FBXL7: variants seen among roughly 807,000 people sequenced by gnomAD.
The protein encoded by FBXL7 is F-box and leucine rich repeat protein 7, also known as F-box/LRR-repeat protein 7.
A neutral mutation model predicts 38.3 loss-of-function variants in FBXL7; 12 were observed. That is an observed-to-expected ratio of 0.31 (90% confidence interval 0.20 to 0.51). The LOEUF (loss-of-function observed/expected upper bound fraction) is 0.51. Among genes scored for constraint, FBXL7 ranks in the 20% least tolerant of loss-of-function variants. The probability of loss-of-function intolerance (pLI) is 0.98; values close to 1 mark genes in which losing one functional copy is unlikely to be tolerated. For synonymous variants in FBXL7, 297 were observed against 300.9 expected (o/e 0.99, Z 0.13); for missense variants, 567 against 676.4 (o/e 0.84, Z 1.79).
intron 1 of FBXL7, among the ~76,000 whole-genome samples, chr5:15,527,732 C>T (rs1364302856): frequency 6.6e-6 from 1 of 152,142 alleles, no homozygotes; most frequent in Non-Finnish European, 1.5e-5. Flanking sequence ...GCTTTTAGGA[C>T]ATATTAAAAG....
intron 1 of FBXL7, among the ~76,000 whole-genome samples, chr5:15,506,778 C>T (rs1736659907): frequency 6.6e-6 from 1 of 151,736 alleles, no homozygotes; most frequent in Non-Finnish European, 1.5e-5. Context: ...CAGGGTTCTA[C>T]CCTTGTAACC....
intron 2 of FBXL7, among the ~76,000 whole-genome samples, chr5:15,717,873 TATAAA>T (rs1291203423): frequency 5.3e-5 from 8 of 152,136 alleles, no homozygotes; most frequent in South Asian, 4.1e-4. Flanking sequence ...TGGATATAAA[TATAAA>T]ATAAAATAAA....
intron 2 of FBXL7, among the ~76,000 whole-genome samples, chr5:15,749,045 G>A (rs1413348875): frequency 6.6e-6 from 1 of 151,820 alleles, no homozygotes. Context: ...AGGAGTTAGA[G>A]ACCAGCCTGG....
At chr5:15,536,191 C>G (rs1737576996) in intron 1 of FBXL7, among the ~76,000 whole-genome samples, 1 of 152,248 alleles carries the variant, frequency 6.6e-6, no homozygotes. Flanking sequence ...AGGCAGAAGT[C>G]TGCTGTGGAG....
At chr5:15,566,732 G>C (rs1026714392) in intron 1 of FBXL7, among the ~76,000 whole-genome samples, 1 of 152,140 alleles carries the variant, frequency 6.6e-6, no homozygotes, top group African/African-American at 2.4e-5. Context: ...TGCAACCTTT[G>C]AAAGATTCAG....
chr5:15,853,697 G>A (rs1739169472), intron 2 of FBXL7, among the ~76,000 whole-genome samples: 1 of 152,166 alleles, frequency 6.6e-6, no homozygotes, highest in Non-Finnish European at 1.5e-5. Flanking sequence ...CATTCACAGG[G>A]CTGGATTTTT....
At chr5:15,815,216 A>G (rs112475730) in intron 2 of FBXL7, among the ~76,000 whole-genome samples, 130 of 152,290 alleles carry the variant, frequency 8.5e-4, no homozygotes, top group Middle Eastern at 3.4e-3. Context: ...TATTTTTTGC[A>G]GCTAATTATC....
intron 2 of FBXL7, among the ~76,000 whole-genome samples, chr5:15,751,594 C>G (rs1736156683): frequency 6.6e-6 from 1 of 152,172 alleles, no homozygotes; most frequent in Non-Finnish European, 1.5e-5. Context: ...AACTTACACA[C>G]AAATAGAAGG....
rs374312596 is a variant in FBXL7 at position 15,596,076 on chromosome 5, A to G, written c.38-19907A>G. On this transcript the variant is annotated intron_variant, in intron 1 of 3. Coordinates refer to ENST00000504595, the MANE Select transcript of FBXL7 (RefSeq NM_012304.5). ...AAGGGAAAAATGGAGACTTACAGAT[A>G]TTAAGGGGTTTGTTCAAGTACACAG... 5.4e-4 allele frequency among the ~76,000 whole-genome samples: 83 copies of G among 152,324 alleles called. No homozygotes were observed. The East Asian group carries it at 7.5e-3, about 14-fold the overall frequency.
chr5:15,567,211 T>A (rs977941441), intron 1 of FBXL7, among the ~76,000 whole-genome samples: 2 of 152,120 alleles, frequency 1.3e-5, no homozygotes, highest in Admixed American at 6.6e-5. Context: ...CACCTAATTT[T>A]CCTGGCCCCT....
chr5:15,586,655 C>T (rs1383997420), intron 1 of FBXL7, among the ~76,000 whole-genome samples: 1 of 152,098 alleles, frequency 6.6e-6, no homozygotes, highest in Admixed American at 6.5e-5. Context: ...TGTCTACAGT[C>T]CAGGGATAGC....
intron 1 of FBXL7, among the ~76,000 whole-genome samples, chr5:15,584,650 A>T (rs1739250958): frequency 6.6e-6 from 1 of 152,212 alleles, no homozygotes; most frequent in African/African-American, 2.4e-5. Context: ...GGGCTCTCCA[A>T]ACTGTTCAAA....
chr5:15,613,838 A>C (rs1740342211), intron 1 of FBXL7, among the ~76,000 whole-genome samples: 1 of 152,202 alleles, frequency 6.6e-6, no homozygotes, highest in South Asian at 2.1e-4. Context: ...AAACAACAGA[A>C]ATGTATTTCT....
intron 2 of FBXL7, among the ~76,000 whole-genome samples, chr5:15,634,505 T>TG (rs34688260): frequency 0.096 from 13,846 of 143,732 alleles, 688 homozygotes; most frequent in Middle Eastern, 0.14. Context: ...TATTTTTAGT[T>TG]GGGGGGGGGG....
In FBXL7 at chr5:15,540,436, C is replaced by T. The variant is rs533312778; in HGVS notation, c.37+39723C>T. Among the ~76,000 whole-genome samples the T allele has an allele frequency of 3.9e-5, 6 of 152,306 alleles. No homozygotes were observed. The South Asian group carries it at 1.2e-3, about 32-fold the overall frequency. ...TCATATCTCAAGGTGCGAACTCCTA[C>T]CTGCCTCTCTAACTTCTTGTCCCCC... On this transcript the variant is annotated intron_variant, in intron 1 of 3. Transcript: ENST00000504595.
intron 2 of FBXL7, among the ~76,000 whole-genome samples, chr5:15,867,661 G>A (rs1265138287): frequency 1.3e-5 from 2 of 152,306 alleles, no homozygotes; most frequent in East Asian, 1.9e-4. Context: ...CTTAATAGAG[G>A]GAGATTAATC....
At chr5:15,933,161 A>G (rs1322040081) in intron 3 of FBXL7, among the ~76,000 whole-genome samples, 1 of 152,222 alleles carries the variant, frequency 6.6e-6, no homozygotes, top group Non-Finnish European at 1.5e-5. Context: ...TTCATCCCAA[A>G]CCTAGCAAAT....
At chr5:15,666,506 C>G (rs1742283783) in intron 2 of FBXL7, among the ~76,000 whole-genome samples, 1 of 152,174 alleles carries the variant, frequency 6.6e-6, no homozygotes, top group African/African-American at 2.4e-5. Context: ...TAGACACTTT[C>G]ACACCATCCC....
At chr5:15,720,942 A>G (rs1579406245) in intron 2 of FBXL7, among the ~76,000 whole-genome samples, 1 of 152,260 alleles carries the variant, frequency 6.6e-6, no homozygotes, top group East Asian at 1.9e-4. Context: ...ATTTTTAAAT[A>G]TAGTAATTTT....
Sources: gnomAD v4.1 joint callset for allele counts (sites outside exome capture counted in the v4.1 genomes callset) on GRCh38, gnomAD v4.1.1 for gene constraint, MANE v1.5 for transcripts, NCBI Gene and HGNC (gene_info 2026-07-23, HGNC 2026-07-21) for gene names.